Variants in TENM2 observed in about 807,000 individuals in gnomAD.
The protein encoded by TENM2 is teneurin-2.
In TENM2, 52 loss-of-function variants were observed where a neutral mutation model predicts 245.2. That is an observed-to-expected ratio of 0.21 (90% confidence interval 0.17 to 0.27). TENM2 has a LOEUF of 0.27. TENM2 is among the 10% of genes least tolerant of loss of function. TENM2 has a pLI of 1.00. For synonymous variants in TENM2, 1,363 were observed against 1,438.9 expected (o/e 0.95, Z 1.19); for missense variants, 3,046 against 3,666.8 (o/e 0.83, Z 4.37).
chr5:168,127,642 C>T (rs1375753974), intron 12 of TENM2, among the ~76,000 whole-genome samples: 1 of 152,162 alleles, frequency 6.6e-6, no homozygotes, highest in African/African-American at 2.4e-5. Flanking sequence ...TAGGACTATA[C>T]TGGATTAAAC....
At chr5:167,384,381 G>A (rs1182419267) in intron 2 of TENM2, among the ~76,000 whole-genome samples, 1 of 152,176 alleles carries the variant, frequency 6.6e-6, no homozygotes, top group Non-Finnish European at 1.5e-5. Context: ...TCTAAATGAA[G>A]AAAAGCCAGA....
the TENM2 span, among the ~76,000 whole-genome samples, chr5:167,091,080 A>G: frequency 6.6e-6 from 1 of 152,226 alleles, no homozygotes; most frequent in Non-Finnish European, 1.5e-5. Flanking sequence ...AAATAACAGA[A>G]GGAGAAACCA....
At chr5:167,073,552 C>G in the TENM2 span, among the ~76,000 whole-genome samples, 1 of 152,080 alleles carries the variant, frequency 6.6e-6, no homozygotes, top group Non-Finnish European at 1.5e-5. Context: ...TTGTCTCTCC[C>G]CCTCCCAACC....
intron 2 of TENM2, among the ~76,000 whole-genome samples, chr5:167,768,192 C>T (rs1445821308): frequency 6.6e-6 from 1 of 152,262 alleles, no homozygotes; most frequent in Non-Finnish European, 1.5e-5. Context: ...AAACAACAAA[C>T]ATGCCTATGT....
chr5:167,202,188 C>G, the TENM2 span, among the ~76,000 whole-genome samples: 6 of 152,176 alleles, frequency 3.9e-5, no homozygotes, highest in Admixed American at 2.6e-4. Flanking sequence ...AATTTCCTCT[C>G]TCTATGCAGC....
chr5:168,243,089 A>G (rs963230802), intron 25 of TENM2, among the ~76,000 whole-genome samples: 1 of 152,116 alleles, frequency 6.6e-6, no homozygotes, highest in Non-Finnish European at 1.5e-5. Flanking sequence ...CCTTTCGCCT[A>G]TTTACATCAT....
At chr5:167,144,775 A>T in the TENM2 span, among the ~76,000 whole-genome samples, 1 of 152,236 alleles carries the variant, frequency 6.6e-6, no homozygotes, top group South Asian at 2.1e-4. Flanking sequence ...GACATTAGCT[A>T]AGAAAGCATT....
chr5:168,006,270 C>T (rs1784810316), intron 5 of TENM2, among the ~76,000 whole-genome samples: 1 of 152,176 alleles, frequency 6.6e-6, no homozygotes, highest in Non-Finnish European at 1.5e-5. Context: ...CCAGAAAAGA[C>T]TACCCTAAAG....
intron 2 of TENM2, among the ~76,000 whole-genome samples, chr5:167,667,965 T>C (rs1219602572): frequency 2.6e-5 from 4 of 152,174 alleles, no homozygotes; most frequent in Non-Finnish European, 5.9e-5. Flanking sequence ...AACTCTTCAT[T>C]TTGAAGTTTG....
At chr5:167,510,633 A>AAAGG (rs148782737) in intron 2 of TENM2, among the ~76,000 whole-genome samples, 21 of 151,710 alleles carry the variant, frequency 1.4e-4, no homozygotes, top group Admixed American at 3.3e-4. Flanking sequence ...GAAAAGAAAG[A>AAAGG]AAGGAAGGAA....
chr5:167,695,964 G>A (rs1346177128), intron 2 of TENM2, among the ~76,000 whole-genome samples: 1 of 151,786 alleles, frequency 6.6e-6, no homozygotes, highest in Non-Finnish European at 1.5e-5. Flanking sequence ...AACCTGGGAG[G>A]TGGAGCTTGC....
At chr5:167,208,440 C>A in the TENM2 span, among the ~76,000 whole-genome samples, 1 of 152,184 alleles carries the variant, frequency 6.6e-6, no homozygotes, top group African/African-American at 2.4e-5. Context: ...CAAATTTAAA[C>A]TGCTAACTTA....
At chr5:167,752,261 ATTTT>A (rs575290973) in intron 2 of TENM2, among the ~76,000 whole-genome samples, 1 of 123,350 alleles carries the variant, frequency 8.1e-6, no homozygotes, top group Non-Finnish European at 1.7e-5. Context: ...TGCCCAGCTA[ATTTT>A]TTTTTTTTTT....
chr5:167,767,014 A>G (rs907455775), intron 2 of TENM2, among the ~76,000 whole-genome samples: 3 of 152,230 alleles, frequency 2.0e-5, no homozygotes, highest in South Asian at 2.1e-4. Flanking sequence ...CATTAAACGT[A>G]CAATTACCAT....
At chr5:167,385,856 A>ATATG (rs1554142663) in intron 2 of TENM2, among the ~76,000 whole-genome samples, 22 of 139,148 alleles carry the variant, frequency 1.6e-4, no homozygotes, top group African/African-American at 4.3e-4. Context: ...TTATATATAT[A>ATATG]TGTGTGTGTG....
chr5:167,821,725 A>C (rs1767543787), intron 2 of TENM2, among the ~76,000 whole-genome samples: 1 of 152,066 alleles, frequency 6.6e-6, no homozygotes, highest in Admixed American at 6.6e-5. Context: ...TATTGCTATA[A>C]ATGTATTATT....
chr5:167,801,075 A>G, intron 2 of TENM2, among the ~76,000 whole-genome samples: 1 of 127,226 alleles, frequency 7.9e-6, no homozygotes, highest in African/African-American at 3.0e-5. Flanking sequence ...TTTTCCCTAT[A>G]CTTTGAATGT....
intron 4 of TENM2, among the ~76,000 whole-genome samples, chr5:167,970,071 T>C (rs1781663062): frequency 6.6e-6 from 1 of 152,244 alleles, no homozygotes; most frequent in Non-Finnish European, 1.5e-5. Flanking sequence ...CTGATTGTAA[T>C]GATTTTCTCC....
At chr5:168,170,041 C>T (rs916815684) in intron 13 of TENM2, among the ~76,000 whole-genome samples, 1 of 152,198 alleles carries the variant, frequency 6.6e-6, no homozygotes, top group African/African-American at 2.4e-5. Context: ...GAATTAGCCT[C>T]AACTGAGATC....
Sources: gnomAD v4.1 joint callset for allele counts (sites outside exome capture counted in the v4.1 genomes callset) on GRCh38, gnomAD v4.1.1 for gene constraint, MANE v1.5 for transcripts, NCBI Gene and HGNC (gene_info 2026-07-23, HGNC 2026-07-21) for gene names.